Variants in FARS2 observed in about 807,000 individuals in gnomAD.
The protein encoded by FARS2 is phenylalanyl-tRNA synthetase 2, mitochondrial.
A neutral mutation model predicts 46.4 loss-of-function variants in FARS2; 40 were observed. That is an observed-to-expected ratio of 0.86 (90% CI 0.67 to 1.12). The LOEUF (loss-of-function observed/expected upper bound fraction) is 1.12. Among genes scored for constraint, FARS2 ranks in the 50% most tolerant of loss-of-function variants. The pLI, the probability that FARS2 is intolerant of heterozygous loss-of-function variation, is 0.00. For missense variants in FARS2, 513 were observed against 567.9 expected (o/e 0.90, Z 0.98); for synonymous variants, 234 against 214.9 (o/e 1.09, Z -0.78).
chr6:5,680,657 C>T (rs1449641255), intron 6 of FARS2, among the ~76,000 whole-genome samples: 1 of 152,156 alleles, frequency 6.6e-6, no homozygotes, highest in Admixed American at 6.5e-5. Flanking sequence ...ATCCATAACC[C>T]CTGGTCAACA....
At chr6:5,608,891 A>T (rs1392928911) in intron 5 of FARS2, among the ~76,000 whole-genome samples, 1 of 9,134 alleles carries the variant, frequency 1.1e-4, no homozygotes, top group Admixed American at 1.4e-3. Context: ...ACAGCACATT[A>T]AAAAAAAAAG....
Position 5,431,085 on chromosome 6 carries a change from C to T in FARS2, c.817C>T (p.Pro273Ser). ...WVDCYFPFTHPSFEMEINFHG... is the reference protein window; with the variant it reads ...WVDCYFPFTHSSFEMEINFHG... ...AGACTGCTACTTCCCTTTTACACAT[C>T]CTTCCTTTGAGATGGAGATCAACTT... The change falls in exon 4 of 7, where the codon CCT (proline) becomes TCT (serine). Residue 273 changes from proline to serine, a missense_variant. Physicochemically the swap from Pro to Ser is moderately conservative, Grantham distance 74. Transcript: ENST00000274680. 1.2e-6 allele frequency: 2 copies of T among 1,613,908 alleles called. No individual in the cohort carries two copies. The highest frequency in any genetic ancestry group is 1.7e-6 in the Non-Finnish European group (2 of 1,179,832).
upstream of FARS2, among the ~76,000 whole-genome samples, chr6:5,259,258 T>C (rs2127787022): frequency 6.6e-6 from 1 of 152,376 alleles, no homozygotes; most frequent in Non-Finnish European, 1.5e-5. Flanking sequence ...AAATGGTTTC[T>C]ATTTATTTAA....
At chr6:5,577,111 G>A (rs767024875) in intron 5 of FARS2, among the ~76,000 whole-genome samples, 7 of 152,060 alleles carry the variant, frequency 4.6e-5, no homozygotes, top group Non-Finnish European at 7.4e-5. Context: ...AGCCAGGAGG[G>A]TACTTTTAAA....
chr6:5,402,553 A>G (rs142566272), intron 2 of FARS2, among the ~76,000 whole-genome samples: 25 of 152,128 alleles, frequency 1.6e-4, no homozygotes, highest in African/African-American at 5.5e-4. Flanking sequence ...CTCTTCTGTT[A>G]GTGTAGCAAT....
intron 4 of FARS2, among the ~76,000 whole-genome samples, chr6:5,438,174 T>A (rs2326609): frequency 0.39 from 57,644 of 149,172 alleles, 11,729 homozygotes; most frequent in East Asian, 0.46. Context: ...TCCTTTTTTT[T>A]TAAAAAAATT....
At chr6:5,770,739 G>T (rs1762991611) in intron 6 of FARS2, among the ~76,000 whole-genome samples, 1 of 152,206 alleles carries the variant, frequency 6.6e-6, no homozygotes, top group Non-Finnish European at 1.5e-5. Context: ...AGAGACTAAA[G>T]TAATTCTCTA....
At chr6:5,771,132 C>G (rs1763024096) in intron 6 of FARS2, among the ~76,000 whole-genome samples, 159 bp from the exon 7 acceptor site, 1 of 152,208 alleles carries the variant, frequency 6.6e-6, no homozygotes, top group South Asian at 2.1e-4. Context: ...CACCTTCTCC[C>G]CCTGTATAAG....
At chr6:5,260,598 T>TGCCCCGGCCCCGGGGCCC, upstream of FARS2, 1 of 1,105,568 alleles carries the variant, frequency 9.0e-7, no homozygotes, top group Non-Finnish European at 1.3e-6. Flanking sequence ...GCACCCCCGG[T>TGCCCCGGCCCCGGGGCCC]CCCCGGCCCC....
At chr6:5,693,909 C>T (rs1453186379) in intron 6 of FARS2, among the ~76,000 whole-genome samples, 1 of 152,234 alleles carries the variant, frequency 6.6e-6, no homozygotes, top group East Asian at 1.9e-4. Context: ...GCTCCGCTAT[C>T]TTTGTCACCT....
rs536592393 is a variant in FARS2 at position 5,276,257 on chromosome 6, GTATA to G, written c.-22+14601_-22+14604del. 1.1e-4 allele frequency among the ~76,000 whole-genome samples: 17 copies of G among 152,304 alleles called. No homozygotes were observed. The South Asian group carries it at 3.5e-3, about 32-fold the overall frequency. On this transcript the variant is annotated intron_variant, in intron 1 of 6. Transcript: ENST00000274680. The stretch of plus-strand genomic sequence containing the variant: ...CATTTTTGAAATGAGTGTAAATGCT[GTATA>G]TATGTGATAGTAAGGGAGAAAACTT...
intron 4 of FARS2, among the ~76,000 whole-genome samples, chr6:5,500,960 GAGAGAGAGAGAT>G (rs1767764847): frequency 1.7e-5 from 2 of 120,196 alleles, no homozygotes. Context: ...GAGAGAGAGA[GAGAGAGAGAGAT>G]GCCAGGTCTG....
intron 4 of FARS2, among the ~76,000 whole-genome samples, chr6:5,490,574 C>A (rs148317508): frequency 6.6e-6 from 1 of 152,236 alleles, no homozygotes; most frequent in Non-Finnish European, 1.5e-5. Flanking sequence ...AATACAGTCT[C>A]TTCCCATATT....
chr6:5,503,173 A>G (rs984175019), intron 4 of FARS2, among the ~76,000 whole-genome samples: 2 of 150,824 alleles, frequency 1.3e-5, no homozygotes, highest in Non-Finnish European at 3.0e-5. Flanking sequence ...ATAATTCATA[A>G]TTTAAAAATT....
At chr6:5,442,292 C>T (rs183923871) in intron 4 of FARS2, among the ~76,000 whole-genome samples, 7 of 151,918 alleles carry the variant, frequency 4.6e-5, no homozygotes, top group East Asian at 1.9e-4. Context: ...ACATTTATAT[C>T]GGTTACTAAT....
intron 3 of FARS2, among the ~76,000 whole-genome samples, chr6:5,421,085 C>T (rs1762522553): frequency 6.6e-6 from 1 of 152,210 alleles, no homozygotes; most frequent in African/African-American, 2.4e-5. Context: ...AAACTTCTGC[C>T]TGGGCATCCA....
At chr6:5,378,626 G>A (rs1172901771) in intron 2 of FARS2, among the ~76,000 whole-genome samples, 3 of 152,150 alleles carry the variant, frequency 2.0e-5, no homozygotes, top group African/African-American at 7.2e-5. Flanking sequence ...CCACCGTGTG[G>A]TTATTGGGTT....
intron 4 of FARS2, among the ~76,000 whole-genome samples, chr6:5,441,393 A>G (rs1210371563): frequency 6.6e-6 from 1 of 152,078 alleles, no homozygotes; most frequent in East Asian, 1.9e-4. Context: ...CCCTTCTATA[A>G]GCAATCACAT....
chr6:5,684,444 T>C (rs551354218), intron 6 of FARS2, among the ~76,000 whole-genome samples: 20 of 152,328 alleles, frequency 1.3e-4, no homozygotes, highest in Admixed American at 3.3e-4. Context: ...AACTGGCATG[T>C]CATTCTCTGA....
Sources: allele counts gnomAD v4.1 joint callset (sites outside exome capture counted in the v4.1 genomes callset), GRCh38; gene constraint gnomAD v4.1.1; transcripts MANE v1.5; gene names NCBI Gene and HGNC (gene_info 2026-07-23, HGNC 2026-07-21).